CACNA1I: variants seen among roughly 807,000 people sequenced by gnomAD.
CACNA1I encodes the protein calcium voltage-gated channel subunit alpha1 I, also known as voltage-dependent T-type calcium channel subunit alpha-1I.
In CACNA1I, 74 loss-of-function variants were observed where a neutral mutation model predicts 201.6. The observed-to-expected ratio is 0.37, with a 90% confidence interval of 0.30 to 0.45. The LOEUF (loss-of-function observed/expected upper bound fraction) is 0.45, where lower values mean the gene tolerates loss of function less well. Among genes scored for constraint, CACNA1I ranks in the 20% least tolerant of loss-of-function variants. The pLI is 1.00. For missense variants in CACNA1I, 2,346 were observed against 3,138.1 expected, an observed-to-expected ratio of 0.75 and a Z score of 6.03; for synonymous variants, 1,431 against 1,345.2, an observed-to-expected ratio of 1.06 and a Z score of -1.40.
rs1935902244 is a variant in CACNA1I at position 39,686,797 on chromosome 22, A to C, written c.*392A>C. Reference sequence around the variant, plus strand: ...TGTCTGATGCTCTGGGATTCTGGCCAGACCCACCCCAGGGCACATGTCCTG... The same window carrying C: ...TGTCTGATGCTCTGGGATTCTGGCCCGACCCACCCCAGGGCACATGTCCTG... On this transcript the variant is annotated 3_prime_UTR_variant, in exon 37 of 37. Transcript: ENST00000402142. The C allele has an allele frequency of 6.6e-6, 1 of 151,764 alleles. No homozygotes were observed. Among genetic ancestry groups the C allele is most frequent in the South Asian group, 2.1e-4 (1 of 4,806 alleles). 9.4% of individuals were successfully genotyped at this position (151,764 alleles called of 1,614,324 possible).
In CACNA1I at chr22:39,672,298, T is replaced by G; in HGVS notation, c.4639T>G (p.Phe1547Val). Residue 1547 changes from phenylalanine to valine, a missense_variant, in exon 27 of 37, where the codon TTC (phenylalanine) becomes GTC (valine). Phe to Val is a conservative substitution (Grantham distance 50, BLOSUM62 -1). Around this residue, in one of 13 missense-constraint regions of CACNA1I, gnomAD observed 228 missense variants for 395.7 expected, o/e 0.58. Transcript: ENST00000402142. ...KLVAFGLRRF[F>V]KDRWNQLDLA... is the part of the protein sequence containing the mutation. ...GGTGGCATTTGGTCTGAGGCGCTTC[T>G]TCAAGGACCGGTGAGTGGCCAGGCT... The G allele has an allele frequency of 6.2e-7, 1 of 1,611,056 alleles. No individual in the cohort carries two copies. Among genetic ancestry groups the G allele is most frequent in the Non-Finnish European group, 8.5e-7 (1 of 1,177,666 alleles).
chr22:39,639,035 TA>T (rs1934291193), intron 5 of CACNA1I, among the ~76,000 whole-genome samples: 1 of 152,244 alleles, frequency 6.6e-6, no homozygotes, highest in Admixed American at 6.5e-5. Context: ...ACCCCTGCTT[TA>T]GATAGTTACC....
chr22:39,619,394 C>G lies in CACNA1I; in HGVS notation c.567C>G (p.Ile189Met). 1 of 1,607,762 alleles carries G rather than the reference C, an allele frequency of 6.2e-7. No homozygotes were observed. Residue 189 changes from isoleucine to methionine, a missense_variant, in exon 4 of 37, where the codon ATC (isoleucine) becomes ATG (methionine). Around this residue, in one of 13 missense-constraint regions of CACNA1I, gnomAD observed 227 missense variants for 412.5 expected, o/e 0.55. Transcript: ENST00000402142. ...TVRVLRPLKA[I>M]NRVPSMRILV... ...GCGTCCTGAGGCCCCTCAAAGCCAT[C>G]AACCGCGTGCCCAGTGAGTCAGCCC... is the stretch of plus-strand genomic sequence containing the variant.
intron 7 of CACNA1I, 116 bp from the exon 8 acceptor site, chr22:39,646,453 C>T: frequency 7.0e-7 from 1 of 1,430,420 alleles, no homozygotes; most frequent in Admixed American, 2.7e-5. Context: ...CCATCTCCCT[C>T]TGCCTCCCTC....
At chr22:39,637,184 A>G (rs1601483897) in intron 5 of CACNA1I, among the ~76,000 whole-genome samples, 1 of 152,124 alleles carries the variant, frequency 6.6e-6, no homozygotes, top group South Asian at 2.1e-4. Flanking sequence ...GGGGAACTGC[A>G]TGTGTTGAAA....
chr22:39,651,209 T>A (rs955539090), intron 10 of CACNA1I, among the ~76,000 whole-genome samples: 70 of 152,286 alleles, frequency 4.6e-4, no homozygotes, highest in African/African-American at 1.6e-3. Flanking sequence ...AACTTCTTTC[T>A]GTGGCAAGAC....
chr22:39,682,785 C>A (rs577932377), intron 35 of CACNA1I, 124 bp downstream of exon 35: 76 of 759,030 alleles, frequency 1.0e-4, no homozygotes, highest in Non-Finnish European at 1.5e-4. Flanking sequence ...CCAGAAAGAA[C>A]CAGATGGATA....
At position 39,642,744 on chromosome 22, in the gene CACNA1I, C is replaced by T. The variant is rs574054346; in HGVS notation, c.1057-53C>T. On this transcript the variant is annotated intron_variant, in intron 6 of 36. Transcript: ENST00000402142. ...TCTGTCTGGGGCACTGCCTGGGCTA[C>T]GGGCTTTCTGATGGGCCAGTCCTCT... 1.7e-4 allele frequency: 229 copies of T among 1,309,232 alleles called. 1 individual carries two copies. In the South Asian group the frequency reaches 2.4e-3, roughly 14 times the overall value. 81.1% of individuals were successfully genotyped at this position (1,309,232 alleles called of 1,614,324 possible). A position where few individuals can be genotyped will look rare whatever the true frequency, so the allele number is the denominator to read the frequency against.
At chr22:39,589,499 A>G (rs1418462140) in intron 1 of CACNA1I, among the ~76,000 whole-genome samples, 2 of 152,238 alleles carry the variant, frequency 1.3e-5, no homozygotes, top group Non-Finnish European at 2.9e-5. Context: ...TGATGTTCAA[A>G]TTGGTGGCCA....
rs150111808 is a variant in CACNA1I at position 39,650,046 on chromosome 22, C to T, written c.1992+121C>T. 378 of 1,089,170 alleles carry T rather than the reference C, an allele frequency of 3.5e-4. 2 individuals are homozygous for T. In the Middle Eastern group the frequency reaches 6.1e-3, roughly 18 times the overall value. 67.5% of individuals were successfully genotyped at this position (1,089,170 alleles called of 1,614,324 possible). A position where few individuals can be genotyped will look rare whatever the true frequency, so the allele number is the denominator to read the frequency against. ...TGTGTGTCTGTCCACCTAGAAGTGCCGGGCTGAGCTGGGTCCAGTTCATCC... is the reference window on the plus strand; with the variant it reads ...TGTGTGTCTGTCCACCTAGAAGTGCTGGGCTGAGCTGGGTCCAGTTCATCC... On this transcript the variant is annotated intron_variant, in intron 10 of 36. Coordinates refer to ENST00000402142, the MANE Select transcript of CACNA1I (RefSeq NM_021096.4).
chr22:39,662,077 C>T lies in CACNA1I; in HGVS notation c.3014C>T (p.Ser1005Phe), dbSNP rs1055531468. Residue 1005 changes from serine (S) to phenylalanine (F), a missense_variant, in exon 17 of 37, where the codon TCC becomes TTC. Ser to Phe is a radical substitution (Grantham distance 155). This residue lies in a region of CACNA1I where 288 missense variants were observed against 255.2 expected (regional missense o/e 1.13). Transcript: ENST00000402142. The part of the protein sequence containing the change: ...KHKPPSAEHE[S>F]LLSAERGGGA... ...AAGCCGCCGTCGGCGGAGCATGAGT[C>T]CCTGCTCTCTGCGGAGCGCGGCGGC... is the stretch of plus-strand genomic sequence containing the variant. The T allele has an allele frequency of 1.9e-6, 3 of 1,541,836 alleles. No individual in the cohort carries two copies. In the African/African-American group the frequency reaches 4.2e-5, roughly 22 times the overall value.
Position 39,662,427 on chromosome 22 carries a change from A to G in CACNA1I, c.3364A>G (p.Ile1122Val). 1 of 1,445,844 alleles carries G rather than the reference A, an allele frequency of 6.9e-7. No individual in the cohort carries two copies. The highest frequency in any genetic ancestry group is 9.0e-7 in the Non-Finnish European group (1 of 1,108,984). 89.6% of individuals were successfully genotyped at this position (1,445,844 alleles called of 1,614,324 possible). A position where few individuals can be genotyped will look rare whatever the true frequency, so the allele number is the denominator to read the frequency against. The change falls in exon 17 of 37, where the codon ATC becomes GTC. Residue 1122 changes from isoleucine to valine, a missense_variant. By Grantham distance (29) the Ile-to-Val change is conservative. Transcript: ENST00000402142. ...GGATCGCGGGGAGGATGAGGAGGAA[A>G]TCGACTACGTGAGTGGGGGCGGGGC... The part of the protein sequence containing the change: ...RGDRGEDEEE[I>V]DYTLCFRVRK...
chr22:39,572,072 G>C (rs1569041719), intron 1 of CACNA1I, among the ~76,000 whole-genome samples: 1 of 152,202 alleles, frequency 6.6e-6, no homozygotes, highest in African/African-American at 2.4e-5. Flanking sequence ...GCAGAGAGGA[G>C]TGAGGTGAGG....
Position 39,684,893 on chromosome 22 carries a change from A to G in CACNA1I, c.6027+395A>G, listed in dbSNP as rs1935811867. 2 of 314,390 alleles carry G rather than the reference A, an allele frequency of 6.4e-6. No individual in the cohort carries two copies. Among genetic ancestry groups the G allele is most frequent in the Non-Finnish European group, 1.2e-5 (2 of 166,390 alleles). The allele number at this position is 314,390 out of a possible 1,614,324, so 19.5% of individuals were successfully genotyped here. The stretch of plus-strand genomic sequence containing the variant: ...GTGAGTGGGGGCTTGATTACTAGGA[A>G]TGGAGGTGGGAGGGCGGGTCTGGTG... On this transcript the variant is annotated intron_variant, in intron 36 of 36. Coordinates refer to ENST00000402142, the MANE Select transcript of CACNA1I (RefSeq NM_021096.4). The surrounding 1 kb of genome is among the most constrained non-coding windows in gnomAD (Gnocchi z 4.6).
intron 1 of CACNA1I, among the ~76,000 whole-genome samples, chr22:39,572,982 C>T (rs1351079726): frequency 6.6e-6 from 1 of 152,066 alleles, no homozygotes; most frequent in African/African-American, 2.4e-5. Context: ...GTCTCGAACT[C>T]CTGACTCGTG....
At position 39,634,605 on chromosome 22, in the gene CACNA1I, C is replaced by T. The variant is rs1934157101; in HGVS notation, c.621C>T (p.Pro207=). 1.9e-6 allele frequency: 3 copies of T among 1,613,942 alleles called. No individual in the cohort carries two copies. The highest frequency in any genetic ancestry group is 2.5e-6 in the Non-Finnish European group (3 of 1,179,872). ...ILVNLLLDTL[P]MLGNVLLLCF... Reference sequence around the variant, plus strand: ...TGAACCTGCTCCTGGACACACTGCCCATGCTGGGGAATGTCCTGCTGCTCT... The same window carrying T: ...TGAACCTGCTCCTGGACACACTGCCTATGCTGGGGAATGTCCTGCTGCTCT... Residue 207 remains proline (P), a synonymous_variant, in exon 5 of 37, where the codon CCC becomes CCT. Coordinates refer to ENST00000402142, the MANE Select transcript of CACNA1I (RefSeq NM_021096.4).
chr22:39,678,160 A>G (rs1044397707), intron 31 of CACNA1I, 52 bp downstream of exon 31: 2 of 1,582,768 alleles, frequency 1.3e-6, no homozygotes, highest in Non-Finnish European at 1.7e-6. Flanking sequence ...TGGGACAGTG[A>G]GGATGCTGGT....
Position 39,670,837 on chromosome 22 carries a change from T to G in CACNA1I, c.4422T>G (p.Cys1474Trp), listed in dbSNP as rs1935353622. The change falls in exon 26 of 37, where the codon TGT becomes TGG. Residue 1474 changes from cysteine to tryptophan, a missense_variant. Transcript: ENST00000402142. The part of the protein sequence containing the change: ...AQRLPYYATY[C>W]HTRLLIHSMC... ...GGCTGCCCTACTATGCCACCTATTG[T>G]CACACCCGGCTGCTCATCCACTCCA... 2 of 1,613,900 alleles carry G rather than the reference T, an allele frequency of 1.2e-6. No individual in the cohort carries two copies. Among genetic ancestry groups the G allele is most frequent in the Non-Finnish European group, 1.7e-6 (2 of 1,179,858 alleles).
chr22:39,623,946 AG>A (rs1345463159), intron 4 of CACNA1I, among the ~76,000 whole-genome samples: 2 of 111,026 alleles, frequency 1.8e-5, no homozygotes, highest in African/African-American at 7.2e-5. Context: ...TGTGCCTGTG[AG>A]GGTGTGTGTG....
Sources: allele counts gnomAD v4.1 joint callset (sites outside exome capture counted in the v4.1 genomes callset), GRCh38; gene constraint gnomAD v4.1.1; regional missense constraint gnomAD v4.1.1; non-coding constraint Gnocchi (gnomAD v3.1); transcripts MANE v1.5; gene names NCBI Gene and HGNC (gene_info 2026-07-23, HGNC 2026-07-21).